ACADS: variants seen among roughly 807,000 people sequenced by gnomAD.
ACADS encodes short-chain specific acyl-CoA dehydrogenase, mitochondrial.
Under a neutral mutation model 46.8 loss-of-function variants are expected in ACADS, and 28 were observed. The ratio of observed to expected loss-of-function variants is 0.60; its 90% confidence interval spans 0.44 to 0.82. ACADS has a LOEUF of 0.82. Ranked by LOEUF, ACADS falls within the 40% of genes least tolerant of loss-of-function variation. The probability of loss-of-function intolerance (pLI) is 0.00; values close to 1 mark genes in which losing one functional copy is unlikely to be tolerated. For missense variants in ACADS, 528 were observed against 578.0 expected (o/e 0.91, Z 0.89); for synonymous variants, 236 against 237.7 (o/e 0.99, Z 0.07).
chr12:120,728,190 GCCCGCCTTGGCGTC>G lies in ACADS; in HGVS notation c.210+1004_210+1017del, dbSNP rs1441128383. Among the ~76,000 whole-genome samples, 2 of 151,988 alleles carry G rather than the reference GCCCGCCTTGGCGTC, an allele frequency of 1.3e-5. No individual in the cohort carries two copies. The highest frequency in any genetic ancestry group is 4.8e-5 in the African/African-American group (2 of 41,384). On this transcript the variant is annotated intron_variant, in intron 2 of 9. Transcript: ENST00000242592. This position sits in a 1 kb window ranked among gnomAD's most constrained non-coding sequence, Gnocchi z 4.0. Reference sequence around the variant, plus strand: ...TCAAACTCCTGACCTTAGGCGATCTGCCCGCCTTGGCGTCCCAAAGTGCTGGGATTACAGGCGTG... The same window carrying G: ...TCAAACTCCTGACCTTAGGCGATCTGCCAAAGTGCTGGGATTACAGGCGTG...
rs953098816 is a variant in ACADS, at chr12:120,728,005, T to A, written c.210+816T>A. The stretch of plus-strand genomic sequence containing the variant: ...CTCTGTTGCCCAGGCTGGAGGGCAG[T>A]GGCGCAATCTCAACGCACTGCACCC... On this transcript the variant is annotated intron_variant, in intron 2 of 9. Transcript: ENST00000242592. This position sits in a 1 kb window ranked among gnomAD's most constrained non-coding sequence, Gnocchi z 4.0. Among the ~76,000 whole-genome samples, 1 of 152,094 alleles carries A rather than the reference T, an allele frequency of 6.6e-6. No homozygotes were observed. Among genetic ancestry groups the A allele is most frequent in the Non-Finnish European group, 1.5e-5 (1 of 68,010 alleles).
intron 2 of ACADS, 119 bp from the exon 3 acceptor site, chr12:120,736,867 G>A (rs1703477089): frequency 2.3e-6 from 3 of 1,304,612 alleles, no homozygotes; most frequent in Non-Finnish European, 3.1e-6. Flanking sequence ...TGCGTGGCTG[G>A]GGTCACATGG....
intron 8 of ACADS, 62 bp from the exon 9 acceptor site, chr12:120,739,078 G>T (rs1370955232): frequency 3.2e-5 from 52 of 1,604,492 alleles, no homozygotes; most frequent in Non-Finnish European, 3.4e-5. Flanking sequence ...CTGAGGGAGT[G>T]GGGGAGCAGG....
chr12:120,728,473 GT>G lies in ACADS; in HGVS notation c.210+1295del, dbSNP rs36103003. Among the ~76,000 whole-genome samples the G allele has an allele frequency of 0.019, 2,674 of 144,462 alleles. 36 individuals carry two copies. Among genetic ancestry groups the G allele is most frequent in the South Asian group, 0.066 (300 of 4,568 alleles). 94.8% of individuals were successfully genotyped at this position (144,462 alleles called of 152,430 possible). A position where few individuals can be genotyped will look rare whatever the true frequency, so the allele number is the denominator to read the frequency against. ...CCTCTCCGGCCTCTTCTCCTTGCCT[GT>G]TTTTTTTTTTAATTTTAATTTTAAT... On this transcript the variant is annotated intron_variant, in intron 2 of 9. Coordinates refer to ENST00000242592, the MANE Select transcript of ACADS (RefSeq NM_000017.4). The surrounding 1 kb of genome is among the most constrained non-coding windows in gnomAD (Gnocchi z 4.0).
chr12:120,733,787 T>C (rs1056297308), intron 2 of ACADS, among the ~76,000 whole-genome samples: 7 of 141,358 alleles, frequency 5.0e-5, no homozygotes, highest in African/African-American at 1.6e-4. Flanking sequence ...CTTAAAGCAA[T>C]ACAGATATAT....
chr12:120,735,857 C>T (rs1883418817), intron 2 of ACADS, among the ~76,000 whole-genome samples: 1 of 151,578 alleles, frequency 6.6e-6, no homozygotes, highest in South Asian at 2.1e-4. Context: ...GAGATCTGCA[C>T]TACTGCACTC....
At chr12:120,729,839 T>C (rs1883199047) in intron 2 of ACADS, among the ~76,000 whole-genome samples, 1 of 152,148 alleles carries the variant, frequency 6.6e-6, no homozygotes, top group South Asian at 2.1e-4. Flanking sequence ...GTCCAGGCTC[T>C]GGGATGGGAT....
intron 2 of ACADS, among the ~76,000 whole-genome samples, chr12:120,729,265 T>C (rs1279415918): frequency 6.7e-6 from 1 of 149,722 alleles, no homozygotes; most frequent in Non-Finnish European, 1.5e-5. Flanking sequence ...TTTCTTTTTT[T>C]TTTTTTTTTT....
At chr12:120,735,187 A>G (rs1189154320) in intron 2 of ACADS, among the ~76,000 whole-genome samples, 3 of 145,884 alleles carry the variant, frequency 2.1e-5, no homozygotes, top group Non-Finnish European at 4.5e-5. Context: ...CAGGAGAATC[A>G]CTTGAACCCA....
intron 2 of ACADS, among the ~76,000 whole-genome samples, chr12:120,731,453 T>C (rs933457275): frequency 1.2e-4 from 15 of 130,124 alleles, no homozygotes; most frequent in African/African-American, 3.5e-4. Flanking sequence ...CTTAATAAAA[T>C]AGTTTTTTTT....
At chr12:120,737,735 T>A in intron 4 of ACADS, 102 bp from the exon 5 acceptor site, 2 of 1,532,814 alleles carry the variant, frequency 1.3e-6, no homozygotes, top group Admixed American at 3.5e-5. Flanking sequence ...GCCCGAGTCA[T>A]AGGGTTTCGT....
rs998224213 is a variant in ACADS at position 120,728,071 on chromosome 12, C to G, written c.210+882C>G. On this transcript the variant is annotated intron_variant, in intron 2 of 9. Transcript: ENST00000242592. This position sits in a 1 kb window ranked among gnomAD's most constrained non-coding sequence, Gnocchi z 4.0. ...TCAAGCAATTCTCCTGCCTCGGCCCCCAGTAGCTGGGATTACAGGCGGGCA... is the reference window on the plus strand; with the variant it reads ...TCAAGCAATTCTCCTGCCTCGGCCCGCAGTAGCTGGGATTACAGGCGGGCA... 4.6e-5 allele frequency among the ~76,000 whole-genome samples: 7 copies of G among 152,202 alleles called. No homozygotes were observed. The highest frequency in any genetic ancestry group is 4.6e-4 in the Admixed American group (7 of 15,284).
At chr12:120,734,989 T>A (rs1883380286) in intron 2 of ACADS, among the ~76,000 whole-genome samples, 1 of 151,372 alleles carries the variant, frequency 6.6e-6, no homozygotes, top group Non-Finnish European at 1.5e-5. Flanking sequence ...TGGCTTCAAA[T>A]GATCCACCCA....
intron 8 of ACADS, 105 bp downstream of exon 8, chr12:120,739,020 G>A (rs1883562099): frequency 6.3e-7 from 1 of 1,588,518 alleles, no homozygotes; most frequent in Non-Finnish European, 8.6e-7. Context: ...TCAGAGGTGT[G>A]GGCCTGGGGT....
chr12:120,729,325 T>C (rs1407350141), intron 2 of ACADS, among the ~76,000 whole-genome samples: 1 of 151,012 alleles, frequency 6.6e-6, no homozygotes, highest in Non-Finnish European at 1.5e-5. Context: ...TGGTGCGATC[T>C]TGGCTCACTG....
chr12:120,734,820 C>T lies in ACADS; in HGVS notation c.211-2166C>T, dbSNP rs192678814. On this transcript the variant is annotated intron_variant, in intron 2 of 9. Transcript: ENST00000242592. The stretch of plus-strand genomic sequence containing the variant: ...AGACTGGAGTGCAGTGGCGTGCTCT[C>T]GGTTCACTGCAACCTCTTCCTTCCA... Among the ~76,000 whole-genome samples the T allele has an allele frequency of 3.3e-5, 5 of 149,728 alleles. No homozygotes were observed. The South Asian group carries it at 6.4e-4, about 19-fold the overall frequency.
intron 2 of ACADS, among the ~76,000 whole-genome samples, chr12:120,730,738 T>A (rs1325959268): frequency 2.6e-5 from 4 of 152,138 alleles, no homozygotes; most frequent in African/African-American, 9.7e-5. Flanking sequence ...GATTGGCTCA[T>A]GTGCCATTTA....
Position 120,739,370 on chromosome 12 carries a change from C to T in ACADS, c.1161C>T (p.Ile387=), listed in dbSNP as rs1883582268. ...AGCGGCACTACCGCGACGCCCGCAT[C>T]ACTGAGATCTACGAGGGCACCAGCG... ...PAERHYRDAR[I]TEIYEGTSEI... Residue 387 remains isoleucine, a synonymous_variant, in exon 10 of 10, where the codon ATC becomes ATT. Coordinates refer to ENST00000242592, the MANE Select transcript of ACADS (RefSeq NM_000017.4). 1 of 1,612,998 alleles carries T rather than the reference C, an allele frequency of 6.2e-7. No homozygotes were observed.
rs61624288 is a variant in ACADS at position 120,728,652 on chromosome 12, G to A, written c.210+1463G>A. The stretch of plus-strand genomic sequence containing the variant: ...CTCCCGAGTAGCTGGGATTACAGGC[G>A]CACACCACCATACCCGGCTAATTTT... On this transcript the variant is annotated intron_variant, in intron 2 of 9. Transcript: ENST00000242592. The surrounding 1 kb of genome is among the most constrained non-coding windows in gnomAD (Gnocchi z 4.0). Among the ~76,000 whole-genome samples, 5,219 of 151,642 alleles carry A rather than the reference G, an allele frequency of 0.034. 101 individuals carry two copies. The highest frequency in any genetic ancestry group is 0.061 in the South Asian group (293 of 4,798).
Sources: gnomAD v4.1 joint callset for allele counts (sites outside exome capture counted in the v4.1 genomes callset) on GRCh38, gnomAD v4.1.1 for gene constraint, Gnocchi (gnomAD v3.1) non-coding constraint, MANE v1.5 for transcripts, NCBI Gene and HGNC (gene_info 2026-07-23, HGNC 2026-07-21) for gene names.